FERRY3: variants seen among roughly 807,000 people sequenced by gnomAD.
FERRY3 encodes FERRY endosomal RAB5 effector complex subunit 3.
chr12:4,528,972 C>T, the FERRY3 span, among the ~76,000 whole-genome samples: 1 of 150,764 alleles, frequency 6.6e-6, no homozygotes, highest in Non-Finnish European at 1.5e-5. Flanking sequence ...TATACTCTCA[C>T]AATCAAAGCA....
the FERRY3 span, chr12:4,488,843 T>C: frequency 2.6e-5 from 4 of 152,210 alleles, no homozygotes; most frequent in Admixed American, 6.5e-5. This position sits in a 1 kb window ranked among gnomAD's most constrained non-coding sequence, Gnocchi z 4.9. Context: ...TTACTACTTA[T>C]AGCATTTAAA....
At chr12:4,512,438 A>G in the FERRY3 span, among the ~76,000 whole-genome samples, 1 of 152,284 alleles carries the variant, frequency 6.6e-6, no homozygotes, top group Non-Finnish European at 1.5e-5. Context: ...ACACAACCAA[A>G]AAAGCAAATT....
At chr12:4,504,296 A>G in the FERRY3 span, among the ~76,000 whole-genome samples, 6 of 152,234 alleles carry the variant, frequency 3.9e-5, no homozygotes, top group Non-Finnish European at 5.9e-5. Flanking sequence ...AAAGGAGAAT[A>G]AAAAACCATC....
chr12:4,537,365 C>T, the FERRY3 span, among the ~76,000 whole-genome samples: 3 of 152,150 alleles, frequency 2.0e-5, no homozygotes, highest in Non-Finnish European at 2.9e-5. Flanking sequence ...GCACTTATCA[C>T]GCTCTATTTC....
chr12:4,521,373 C>T, the FERRY3 span, among the ~76,000 whole-genome samples: 10 of 150,988 alleles, frequency 6.6e-5, no homozygotes, highest in African/African-American at 2.2e-4. Context: ...GTCTCGGGGC[C>T]GGGGAGGAGA....
At chr12:4,516,348 A>G in the FERRY3 span, among the ~76,000 whole-genome samples, 2 of 152,348 alleles carry the variant, frequency 1.3e-5, no homozygotes, top group South Asian at 2.1e-4. Flanking sequence ...ACAGAGTCCA[A>G]GCTTCTGAAG....
the FERRY3 span, among the ~76,000 whole-genome samples, chr12:4,493,508 G>A: frequency 6.6e-6 from 1 of 152,176 alleles, no homozygotes; most frequent in Non-Finnish European, 1.5e-5. Context: ...ATTGATTAAA[G>A]AAAGGTCTAG....
the FERRY3 span, chr12:4,538,438 C>G: frequency 6.0e-6 from 1 of 167,030 alleles, no homozygotes; most frequent in Non-Finnish European, 1.3e-5. Context: ...CTGGGCAGTC[C>G]GCTCACTCGA....
chr12:4,529,053 T>G, the FERRY3 span, among the ~76,000 whole-genome samples: 1 of 152,110 alleles, frequency 6.6e-6, no homozygotes, highest in Non-Finnish European at 1.5e-5. Context: ...ATAATAAATA[T>G]TATTAGATTC....
chr12:4,513,316 C>T, the FERRY3 span, among the ~76,000 whole-genome samples: 1 of 151,900 alleles, frequency 6.6e-6, no homozygotes, highest in African/African-American at 2.4e-5. Context: ...GCCATACTGC[C>T]CAAGGTAATT....
chr12:4,529,022 T>A, the FERRY3 span, among the ~76,000 whole-genome samples: 2 of 152,070 alleles, frequency 1.3e-5, no homozygotes, highest in Non-Finnish European at 2.9e-5. Flanking sequence ...ACACCCAATG[T>A]CTTAAATAAG....
the FERRY3 span, among the ~76,000 whole-genome samples, chr12:4,535,049 G>A: frequency 9.2e-5 from 14 of 152,212 alleles, no homozygotes; most frequent in Non-Finnish European, 1.5e-5. The surrounding 1 kb of genome is among the most constrained non-coding windows in gnomAD (Gnocchi z 4.0). Context: ...GAAGTTAAAT[G>A]ACTAGCTTAT....
At chr12:4,532,516 C>T in the FERRY3 span, among the ~76,000 whole-genome samples, 2 of 152,142 alleles carry the variant, frequency 1.3e-5, no homozygotes, top group African/African-American at 4.8e-5. Flanking sequence ...AGATAGTCAT[C>T]GTTTACCTGC....
the FERRY3 span, chr12:4,489,942 T>G: frequency 3.5e-5 from 44 of 1,267,896 alleles, 1 homozygote; most frequent in Middle Eastern, 6.0e-3. Context: ...TAAATCATCA[T>G]TGATTTTAAA....
chr12:4,499,669 C>A, the FERRY3 span, among the ~76,000 whole-genome samples: 3 of 152,178 alleles, frequency 2.0e-5, no homozygotes. Context: ...TGGCTTCTTC[C>A]TGTCATCTAG....
the FERRY3 span, chr12:4,518,904 A>G: frequency 1.4e-6 from 2 of 1,445,006 alleles, no homozygotes; most frequent in Admixed American, 2.1e-5. Context: ...AATTATTGAT[A>G]TACTTTTATG....
chr12:4,501,050 A>G, the FERRY3 span, among the ~76,000 whole-genome samples: 10 of 152,168 alleles, frequency 6.6e-5, no homozygotes, highest in Admixed American at 3.3e-4. Context: ...CTGTCCAGTT[A>G]GTTGCCCAGG....
At chr12:4,523,807 C>G in the FERRY3 span, among the ~76,000 whole-genome samples, 1 of 151,802 alleles carries the variant, frequency 6.6e-6, no homozygotes. Context: ...CAGGACCCGT[C>G]GTGGGGTTGG....
the FERRY3 span, among the ~76,000 whole-genome samples, chr12:4,530,853 A>G: frequency 7.9e-5 from 12 of 152,266 alleles, no homozygotes; most frequent in East Asian, 1.9e-3. Context: ...TCCTCAACTC[A>G]TCGGAGGAAA....
Sources: gnomAD v4.1 joint callset for allele counts (sites outside exome capture counted in the v4.1 genomes callset) on GRCh38, gnomAD v4.1.1 for gene constraint, Gnocchi (gnomAD v3.1) non-coding constraint, MANE v1.5 for transcripts, NCBI Gene and HGNC (gene_info 2026-07-23, HGNC 2026-07-21) for gene names.